The following ASH1L variants were observed in gnomAD, a reference collection of about 807,000 sequenced individuals.
ASH1L encodes histone-lysine N-methyltransferase ASH1L.
A neutral mutation model predicts 269.0 loss-of-function variants in ASH1L; 23 were observed. The observed-to-expected ratio is 0.09, with a 90% CI of 0.06 to 0.12. ASH1L has a LOEUF of 0.12. Among genes scored for constraint, ASH1L ranks in the 10% least tolerant of loss-of-function variants. ASH1L has a pLI of 1.00. For synonymous variants in ASH1L, 1,187 were observed against 1,253.5 expected (o/e 0.95, Z 1.12); for missense variants, 2,912 against 3,567.8 (o/e 0.82, Z 4.68).
chr1:155,551,385 G>A (rs1319064908), intron 1 of ASH1L, among the ~76,000 whole-genome samples: 1 of 152,160 alleles, frequency 6.6e-6, no homozygotes, highest in Non-Finnish European at 1.5e-5. Context: ...CTACGGCCGG[G>A]CGCAGTGGCT....
intron 25 of ASH1L, among the ~76,000 whole-genome samples, chr1:155,340,668 G>C (rs1277785407): frequency 6.6e-6 from 1 of 151,696 alleles, no homozygotes; most frequent in Non-Finnish European, 1.5e-5. Context: ...TCAACAATTT[G>C]AAAGAAAAAA....
intron 6 of ASH1L, among the ~76,000 whole-genome samples, chr1:155,408,940 G>A (rs976199983): frequency 6.6e-6 from 1 of 151,100 alleles, no homozygotes; most frequent in Non-Finnish European, 1.5e-5. Context: ...CAAACAGAGA[G>A]TTTACGGAGA....
At chr1:155,483,502 GA>G (rs1388422800) in intron 2 of ASH1L, among the ~76,000 whole-genome samples, 1 of 151,962 alleles carries the variant, frequency 6.6e-6, no homozygotes, top group African/African-American at 2.4e-5. Flanking sequence ...ACAAACCAAT[GA>G]AACAGGACAG....
Position 155,562,368 on chromosome 1 carries a change from C to T in ASH1L, c.-315G>A. 1.3e-6 allele frequency: 2 copies of T among 1,518,656 alleles called. No homozygotes were observed. Among genetic ancestry groups the T allele is most frequent in the Non-Finnish European group, 1.8e-6 (2 of 1,115,098 alleles). The allele number at this position is 1,518,656 out of a possible 1,614,324, so 94.1% of individuals were successfully genotyped here. On this transcript the variant is annotated 5_prime_UTR_variant, in exon 1 of 28. Coordinates refer to ENST00000392403, the MANE Select transcript of ASH1L (RefSeq NM_018489.3). ...GGGCAAACTGAGGGGAGGCGGGTCC[C>T]GCAACCGAGACTGGGATCGTCTCCC...
In ASH1L at chr1:155,335,912, G is replaced by C. The variant is rs1401652973; in HGVS notation, c.*1748C>G. On this transcript the variant is annotated 3_prime_UTR_variant, in exon 28 of 28. Coordinates refer to ENST00000392403, the MANE Select transcript of ASH1L (RefSeq NM_018489.3). ...CCCACCTCCCTCCCACCCACTCCCT[G>C]CAATGAAAAACAAAAGAAACCACTC... 1 of 151,398 alleles carries C rather than the reference G, an allele frequency of 6.6e-6. No homozygotes were observed. The highest frequency in any genetic ancestry group is 2.4e-5 in the African/African-American group (1 of 41,042). 9.4% of individuals were successfully genotyped at this position (151,398 alleles called of 1,614,324 possible).
At chr1:155,550,459 T>A (rs1276322823) in intron 1 of ASH1L, among the ~76,000 whole-genome samples, 1 of 152,210 alleles carries the variant, frequency 6.6e-6, no homozygotes, top group African/African-American at 2.4e-5. Context: ...CCCTATGTTA[T>A]CTGGTCCCTG....
In ASH1L at chr1:155,359,942, C is replaced by T. The variant is rs374156253; in HGVS notation, c.6795+359G>A. 4.4e-4 allele frequency among the ~76,000 whole-genome samples: 67 copies of T among 151,594 alleles called. 1 individual carries two copies. The South Asian group carries it at 9.4e-3, about 21-fold the overall frequency. ...TTGCTTTGTCGCCCAGGCTGGAGCA[C>T]AGTGGTGCAATCTCGGCTCAACGTA... On this transcript the variant is annotated intron_variant, in intron 13 of 27. Coordinates refer to ENST00000392403, the MANE Select transcript of ASH1L (RefSeq NM_018489.3).
chr1:155,421,737 A>T (rs1660702625), intron 5 of ASH1L, among the ~76,000 whole-genome samples: 1 of 152,168 alleles, frequency 6.6e-6, no homozygotes, highest in Non-Finnish European at 1.5e-5. Context: ...AATGTATTGT[A>T]ATCAGGACAA....
At chr1:155,435,777 G>C (rs146764854) in intron 5 of ASH1L, among the ~76,000 whole-genome samples, 1 of 152,140 alleles carries the variant, frequency 6.6e-6, no homozygotes, top group African/African-American at 2.4e-5. Flanking sequence ...TGGGCCAGGC[G>C]TGGTGGCTCA....
At chr1:155,351,138 G>A (rs1219128708) in intron 17 of ASH1L, among the ~76,000 whole-genome samples, 1 of 151,716 alleles carries the variant, frequency 6.6e-6, no homozygotes. Context: ...CCAGCTACTT[G>A]GGAGGCTGAG....
At chr1:155,475,953 C>G (rs1665505032) in intron 3 of ASH1L, among the ~76,000 whole-genome samples, 1 of 152,158 alleles carries the variant, frequency 6.6e-6, no homozygotes, top group Non-Finnish European at 1.5e-5. Flanking sequence ...CTCAATGAAC[C>G]TGTGTGCCTC....
chr1:155,500,303 A>C (rs1374304211), intron 2 of ASH1L, among the ~76,000 whole-genome samples: 3 of 152,216 alleles, frequency 2.0e-5, no homozygotes, highest in African/African-American at 4.8e-5. Flanking sequence ...AATTTGCATA[A>C]TTGCTGCTGC....
intron 4 of ASH1L, among the ~76,000 whole-genome samples, chr1:155,442,332 A>C (rs935364538): frequency 6.6e-6 from 1 of 151,942 alleles, no homozygotes; most frequent in African/African-American, 2.4e-5. Context: ...TTACGCCTGT[A>C]ATCCCAGCAC....
chr1:155,371,526 C>A (rs779062949), intron 10 of ASH1L, among the ~76,000 whole-genome samples: 1 of 151,788 alleles, frequency 6.6e-6, no homozygotes, highest in Admixed American at 6.6e-5. Flanking sequence ...CCAGCCTGGG[C>A]GACAGAGTGA....
intron 10 of ASH1L, among the ~76,000 whole-genome samples, chr1:155,375,848 C>T (rs1012770045): frequency 1.3e-5 from 2 of 149,862 alleles, no homozygotes; most frequent in South Asian, 2.1e-4. Flanking sequence ...AGCTACTAAA[C>T]GTAGATCTAG....
chr1:155,343,417 C>A lies in ASH1L; in HGVS notation c.8190G>T (p.Arg2730=). 6.2e-7 allele frequency: 1 copy of A among 1,614,180 alleles called. No individual in the cohort carries two copies. Among genetic ancestry groups the A allele is most frequent in the Non-Finnish European group, 8.5e-7 (1 of 1,180,042 alleles). The change falls in exon 24 of 28, where the codon CGG becomes CGT. Residue 2730 remains arginine, a synonymous_variant. Transcript: ENST00000392403. This position sits in a 1 kb window ranked among gnomAD's most constrained non-coding sequence, Gnocchi z 6.1. ...CCCGAAATAGTTCATTATGATAGAACCGACGGGATGGAGAGTGGTGTGTTT... is the reference window on the plus strand; with the variant it reads ...CCCGAAATAGTTCATTATGATAGAAACGACGGGATGGAGAGTGGTGTGTTT... The part of the protein sequence containing the change: ...PHETHHSPSR[R]FYHNELFRVP...
Position 155,338,309 on chromosome 1 carries a change from C to T in ASH1L, c.8583G>A (p.Glu2861=). Residue 2861 remains glutamate (E), a synonymous_variant, in exon 27 of 28, where the codon GAG becomes GAA. Coordinates refer to ENST00000392403, the MANE Select transcript of ASH1L (RefSeq NM_018489.3). ...QEDDALPLIE[E]VLASQEQAAN... is the part of the protein sequence containing the mutation. ...CTGCTTGCTCTTGACTGGCTAGAAC[C>T]TCTTCAATCAAGGGTAGAGCATCAT... is the stretch of plus-strand genomic sequence containing the variant. The T allele has an allele frequency of 6.2e-7, 1 of 1,614,078 alleles. No homozygotes were observed. Among genetic ancestry groups the T allele is most frequent in the South Asian group, 1.1e-5 (1 of 91,076 alleles).
At position 155,343,528 on chromosome 1, in the gene ASH1L, T is replaced by C; in HGVS notation, c.8121-42A>G. On this transcript the variant is annotated intron_variant, in intron 23 of 27. Transcript: ENST00000392403. This position sits in a 1 kb window ranked among gnomAD's most constrained non-coding sequence, Gnocchi z 6.1. ...GTGAGAAGGGAGAGGTTTAGCTGAT[T>C]AGCAAGATCCTAGTGAACATTCAGC... 1.9e-6 allele frequency: 3 copies of C among 1,612,166 alleles called. No individual in the cohort carries two copies. Among genetic ancestry groups the C allele is most frequent in the South Asian group, 1.1e-5 (1 of 90,858 alleles).
At chr1:155,437,158 A>C (rs1316761213) in intron 5 of ASH1L, among the ~76,000 whole-genome samples, 1 of 152,234 alleles carries the variant, frequency 6.6e-6, no homozygotes, top group Admixed American at 6.5e-5. Flanking sequence ...GCATAAACAA[A>C]GTAAAAATGC....
Sources: gnomAD v4.1 joint callset for allele counts (sites outside exome capture counted in the v4.1 genomes callset) on GRCh38, gnomAD v4.1.1 for gene constraint, Gnocchi (gnomAD v3.1) non-coding constraint, MANE v1.5 for transcripts, NCBI Gene and HGNC (gene_info 2026-07-23, HGNC 2026-07-21) for gene names.